Variants in PHACTR2 observed in about 807,000 individuals in gnomAD.
PHACTR2 encodes phosphatase and actin regulator 2.
PHACTR2 carries 30 observed loss-of-function variants against 76.0 expected under a neutral mutation model. The ratio of observed to expected loss-of-function variants is 0.39; its 90% CI spans 0.30 to 0.54. The LOEUF is 0.54. Among genes scored for constraint, PHACTR2 ranks in the 20% least tolerant of loss-of-function variants. The probability of loss-of-function intolerance (pLI) is 0.61; values close to 1 mark genes in which losing one functional copy is unlikely to be tolerated. For synonymous variants in PHACTR2, 292 were observed against 292.5 expected (o/e 1.00, Z 0.02); for missense variants, 696 against 781.1 (o/e 0.89, Z 1.30).
At chr6:143,677,378 T>C (rs1777269127), upstream of PHACTR2, among the ~76,000 whole-genome samples, 1 of 152,190 alleles carries the variant, frequency 6.6e-6, no homozygotes, top group African/African-American at 2.4e-5. Flanking sequence ...ATAGTTTTTT[T>C]CCCCTTTTGT....
chr6:143,638,764 A>G (rs1232788734), intron 1 of PHACTR2, among the ~76,000 whole-genome samples: 1 of 152,228 alleles, frequency 6.6e-6, no homozygotes, highest in Non-Finnish European at 1.5e-5. Flanking sequence ...TTTCCTTCAA[A>G]TATTTTAAGA....
Position 143,784,577 on chromosome 6 carries a change from A to G in PHACTR2, c.1707+1297A>G, listed in dbSNP as rs1775509038. ...AATGCTTCATTCCCACAGAAAAGCT[A>G]TGGGACTATGTTGAAAGTGTTTGGT... On this transcript the variant is annotated intron_variant, in intron 10 of 12. Coordinates refer to ENST00000440869, the MANE Select transcript of PHACTR2 (RefSeq NM_001100164.2). This position sits in a 1 kb window ranked among gnomAD's most constrained non-coding sequence, Gnocchi z 4.5. 6.6e-6 allele frequency among the ~76,000 whole-genome samples: 1 copy of G among 152,220 alleles called. No individual in the cohort carries two copies. The highest frequency in any genetic ancestry group is 2.4e-5 in the African/African-American group (1 of 41,456).
chr6:143,736,554 ATTTTTTTTTTTTTTTTTTTT>A lies in PHACTR2; in HGVS notation c.215-12412_215-12393del, dbSNP rs776969170. ...TGTAATTTATGCCAAACCCTTTACA[ATTTTTTTTTTTTTTTTTTTT>A]TTTTTTTTTTTTTTTTTTGAGACGG... is the stretch of plus-strand genomic sequence containing the variant. On this transcript the variant is annotated intron_variant, in intron 2 of 12. Transcript: ENST00000440869. 2.7e-3 allele frequency among the ~76,000 whole-genome samples: 153 copies of A among 57,002 alleles called. 1 individual carries two copies. Among genetic ancestry groups the A allele is most frequent in the African/African-American group, 9.6e-3 (147 of 15,370 alleles). 37.4% of individuals were successfully genotyped at this position (57,002 alleles called of 152,430 possible).
At position 143,671,679 on chromosome 6, in the gene PHACTR2, G is replaced by C. The variant is rs1392863721; in HGVS notation, c.14-40337G>C. 6.6e-6 allele frequency among the ~76,000 whole-genome samples: 1 copy of C among 152,112 alleles called. No individual in the cohort carries two copies. Among genetic ancestry groups the C allele is most frequent in the Non-Finnish European group, 1.5e-5 (1 of 68,036 alleles). ...CTCCTAAGTACCTAGAACAAAGACTGGTAAAAAGGAGATGCATAATAAATA... is the reference window on the plus strand; with the variant it reads ...CTCCTAAGTACCTAGAACAAAGACTCGTAAAAAGGAGATGCATAATAAATA... On this transcript the variant is annotated intron_variant, in intron 1 of 11. Coordinates refer to the PHACTR2 transcript ENST00000305766. The surrounding 1 kb of genome is among the most constrained non-coding windows in gnomAD (Gnocchi z 4.6).
In PHACTR2 at chr6:143,580,028, C is replaced by T. The variant is rs185571258; in HGVS notation, c.217+42821C>T. ...ATGGGCTGTTGTTTTGCAGGCCACCCTCAGTTTCTTGCCACGTGGGCCTCT... is the reference window on the plus strand; with the variant it reads ...ATGGGCTGTTGTTTTGCAGGCCACCTTCAGTTTCTTGCCACGTGGGCCTCT... On this transcript the variant is annotated intron_variant, in intron 1 of 11. Transcript: ENST00000367584. This position sits in a 1 kb window ranked among gnomAD's most constrained non-coding sequence, Gnocchi z 4.2. 1.2e-4 allele frequency among the ~76,000 whole-genome samples: 19 copies of T among 152,288 alleles called. No individual in the cohort carries two copies. Among genetic ancestry groups the T allele is most frequent in the Non-Finnish European group, 2.5e-4 (17 of 68,024 alleles).
Position 143,571,135 on chromosome 6 carries a change from G to A in PHACTR2, c.217+33928G>A, listed in dbSNP as rs1186889439. On this transcript the variant is annotated intron_variant, in intron 1 of 11. Coordinates refer to the PHACTR2 transcript ENST00000367584. The surrounding 1 kb of genome is among the most constrained non-coding windows in gnomAD (Gnocchi z 4.6). ...GATGGAAATCAAGAAGGGAATGTAG[G>A]TAAAGAGCAGTACAGTACAGTACTT... 6.6e-6 allele frequency among the ~76,000 whole-genome samples: 1 copy of A among 152,174 alleles called. No individual in the cohort carries two copies.
At chr6:143,749,706 G>A (rs149193513) in intron 3 of PHACTR2, among the ~76,000 whole-genome samples, 42 of 151,512 alleles carry the variant, frequency 2.8e-4, no homozygotes, top group African/African-American at 8.2e-4. Context: ...CTATCCTCCC[G>A]AGGAGGAACT....
At chr6:143,788,655 TTTG>T in intron 10 of PHACTR2, 115 bp from the exon 11 acceptor site, 2 of 626,916 alleles carry the variant, frequency 3.2e-6, no homozygotes, top group South Asian at 4.5e-5. Flanking sequence ...TTTTTTTTTT[TTTG>T]ATCTGAAAGT....
At chr6:143,785,539 C>A (rs1775536044) in intron 10 of PHACTR2, among the ~76,000 whole-genome samples, 1 of 152,210 alleles carries the variant, frequency 6.6e-6, no homozygotes, top group South Asian at 2.1e-4. Flanking sequence ...CAGTGACCCT[C>A]TTTGCACAGC....
At chr6:143,681,814 A>G (rs1313588163) in intron 1 of PHACTR2, among the ~76,000 whole-genome samples, 2 of 152,238 alleles carry the variant, frequency 1.3e-5, no homozygotes, top group African/African-American at 4.8e-5. Context: ...CAATTGTTCC[A>G]GCACCATTTG....
chr6:143,651,107 C>T (rs1320510242), intron 1 of PHACTR2, among the ~76,000 whole-genome samples: 4 of 152,102 alleles, frequency 2.6e-5, no homozygotes, highest in African/African-American at 9.7e-5. Context: ...CATCACTGAT[C>T]ATTAGAAAAA....
chr6:143,740,509 A>G (rs1302890391), intron 2 of PHACTR2, among the ~76,000 whole-genome samples: 64 of 4,808 alleles, frequency 0.013, 1 homozygote, highest in African/African-American at 0.026. Flanking sequence ...CCTTTTAATT[A>G]AAAAAAAAAA....
intron 12 of PHACTR2, among the ~76,000 whole-genome samples, chr6:143,817,878 T>C (rs543636399): frequency 6.6e-6 from 1 of 152,262 alleles, no homozygotes; most frequent in South Asian, 2.1e-4. Flanking sequence ...TAGGGTGCAG[T>C]TGGTTAACAG....
At chr6:143,582,883 T>C (rs35705085) in intron 1 of PHACTR2, among the ~76,000 whole-genome samples, 45,179 of 152,048 alleles carry the variant, frequency 0.3, 6,801 homozygotes, top group Middle Eastern at 0.42. Flanking sequence ...CTGCCAAGAT[T>C]TTATTGAGGG....
intron 2 of PHACTR2, among the ~76,000 whole-genome samples, chr6:143,717,342 G>A (rs1382912848): frequency 6.6e-6 from 1 of 152,140 alleles, no homozygotes; most frequent in African/African-American, 2.4e-5. Flanking sequence ...ACTCCTGTTA[G>A]GACATGTTTA....
At position 143,791,923 on chromosome 6, in the gene PHACTR2, A is replaced by C. The variant is rs571027656; in HGVS notation, c.1845+3013A>C. ...GTTTAGCTGATGGCTTCAAATTTTC[A>C]GGGTACATTTCATCACTCCCTGCCT... is the stretch of plus-strand genomic sequence containing the variant. On this transcript the variant is annotated intron_variant, in intron 11 of 12. Coordinates refer to ENST00000440869, the MANE Select transcript of PHACTR2 (RefSeq NM_001100164.2). This position sits in a 1 kb window ranked among gnomAD's most constrained non-coding sequence, Gnocchi z 4.7. Among the ~76,000 whole-genome samples the C allele has an allele frequency of 6.6e-6, 1 of 152,310 alleles. No homozygotes were observed. Among genetic ancestry groups the C allele is most frequent in the South Asian group, 2.1e-4 (1 of 4,828 alleles).
At chr6:143,644,343 T>C (rs1265724192) in intron 1 of PHACTR2, among the ~76,000 whole-genome samples, 1 of 151,738 alleles carries the variant, frequency 6.6e-6, no homozygotes, top group African/African-American at 2.4e-5. Flanking sequence ...TGGCGGGCGC[T>C]TGTAGTCCCA....
rs1367057895 is a variant in PHACTR2, at chr6:143,755,496, T to G, written c.454+1584T>G. 5 of 382,214 alleles carry G rather than the reference T, an allele frequency of 1.3e-5. No homozygotes were observed. Among genetic ancestry groups the G allele is most frequent in the Non-Finnish European group, 2.6e-5 (5 of 192,340 alleles). 23.7% of individuals were successfully genotyped at this position (382,214 alleles called of 1,614,324 possible). ...ATAAAAAGTTCCTGACAGTTTTATA[T>G]GAATTAACCAACAGACCTTGATGTT... On this transcript the variant is annotated intron_variant, in intron 4 of 12. Coordinates refer to ENST00000440869, the MANE Select transcript of PHACTR2 (RefSeq NM_001100164.2). The surrounding 1 kb of genome is among the most constrained non-coding windows in gnomAD (Gnocchi z 5.2).
Position 143,794,949 on chromosome 6 carries a change from G to A in PHACTR2, c.1845+6039G>A, listed in dbSNP as rs2876572. ...TTAAAGAGTAGTAGCCAATCAGTCA[G>A]TAATTAATCAATGCCTCTCCTTTCT... On this transcript the variant is annotated intron_variant, in intron 11 of 12. Coordinates refer to ENST00000440869, the MANE Select transcript of PHACTR2 (RefSeq NM_001100164.2). This position sits in a 1 kb window ranked among gnomAD's most constrained non-coding sequence, Gnocchi z 4.1. Among the ~76,000 whole-genome samples the A allele has an allele frequency of 0.61, 91,973 of 151,946 alleles. 28,016 individuals carry two copies. The highest frequency in any genetic ancestry group is 0.69 in the East Asian group (3,551 of 5,180).
Sources: allele counts gnomAD v4.1 joint callset (sites outside exome capture counted in the v4.1 genomes callset), GRCh38; gene constraint gnomAD v4.1.1; non-coding constraint Gnocchi (gnomAD v3.1); transcripts MANE v1.5; gene names NCBI Gene and HGNC (gene_info 2026-07-23, HGNC 2026-07-21).